The following HMCN2 variants were observed in gnomAD, a reference collection of about 807,000 sequenced individuals.
HMCN2 encodes the protein hemicentin-2.
Under a neutral mutation model 377.5 loss-of-function variants are expected in HMCN2, and 325 were observed. That is an observed-to-expected ratio of 0.86 (90% CI 0.79 to 0.94). The LOEUF (loss-of-function observed/expected upper bound fraction) is 0.94. HMCN2 is among the 40% of genes least tolerant of loss of function. The pLI is 0.00. For synonymous variants in HMCN2, 2,007 were observed against 2,046.8 expected (o/e 0.98, Z 0.53); for missense variants, 4,543 against 4,725.3 (o/e 0.96, Z 1.13).
intron 46 of HMCN2, 72 bp from the exon 47 acceptor site, chr9:130,372,222 C>A (rs60657291): frequency 2.3e-5 from 10 of 426,402 alleles, no homozygotes; most frequent in African/African-American, 1.7e-4. Context: ...TCCTGCTGGG[C>A]AGCAGGGGGC....
At chr9:130,316,636 A>G (rs1766498768) in intron 15 of HMCN2, among the ~76,000 whole-genome samples, 1 of 152,158 alleles carries the variant, frequency 6.6e-6, no homozygotes, top group African/African-American at 2.4e-5. Context: ...TGCTGACAAC[A>G]TCACCTGTCT....
In HMCN2 at chr9:130,296,664, C is replaced by T. The variant is rs1836173533; in HGVS notation, c.892-10C>T. ...ATCCTCTGGTGATGTGAGACCTGGG[C>T]CTGCGCTAGGTCTATAGCAGTGGCC... On this transcript the variant is annotated splice_polypyrimidine_tract_variant and intron_variant, in intron 6 of 97. Coordinates refer to ENST00000683500, the MANE Select transcript of HMCN2 (RefSeq NM_001291815.2). 2.1e-6 allele frequency: 1 copy of T among 470,844 alleles called. No individual in the cohort carries two copies. Among genetic ancestry groups the T allele is most frequent in the Non-Finnish European group, 4.4e-6 (1 of 227,000 alleles). The allele number at this position is 470,844 out of a possible 1,614,324, so 29.2% of individuals were successfully genotyped here.
chr9:130,350,388 C>CAAAAAAAAAAAA (rs1187309511), intron 29 of HMCN2, among the ~76,000 whole-genome samples: 5 of 89,684 alleles, frequency 5.6e-5, no homozygotes, highest in South Asian at 4.3e-4. Context: ...CAAAAAAATA[C>CAAAAAAAAAAAA]AAAAAAAAAA....
Position 130,396,078 on chromosome 9 carries a change from C to T in HMCN2, c.11053+13C>T, listed in dbSNP as rs552883657. 89 of 1,233,350 alleles carry T rather than the reference C, an allele frequency of 7.2e-5. No homozygotes were observed. The highest frequency in any genetic ancestry group is 4.3e-4 in the Admixed American group (18 of 42,148). 76.4% of individuals were successfully genotyped at this position (1,233,350 alleles called of 1,614,324 possible). A position where few individuals can be genotyped will look rare whatever the true frequency, so the allele number is the denominator to read the frequency against. On this transcript the variant is annotated intron_variant, in intron 72 of 97. Coordinates refer to ENST00000683500, the MANE Select transcript of HMCN2 (RefSeq NM_001291815.2). ...GTGGAGATCCACAGTGAGTAGGGCCCGCCCCACCCCACCCTGCCCACCTTA... is the reference window on the plus strand; with the variant it reads ...GTGGAGATCCACAGTGAGTAGGGCCTGCCCCACCCCACCCTGCCCACCTTA...
intron 79 of HMCN2, 33 bp from the exon 80 acceptor site, chr9:130,403,708 C>T (rs1300406890): frequency 7.8e-7 from 1 of 1,285,654 alleles, no homozygotes; most frequent in African/African-American, 1.5e-5. Flanking sequence ...AGTCCCAGTT[C>T]CCAGGCCCCC....
chr9:130,410,899 G>A (rs1009912814), intron 85 of HMCN2, among the ~76,000 whole-genome samples: 4 of 152,142 alleles, frequency 2.6e-5, no homozygotes, highest in South Asian at 2.1e-4. Flanking sequence ...CAGACCAGCC[G>A]TCAAGATCAC....
In HMCN2 at chr9:130,422,679, G is replaced by A. The variant is rs1464259389; in HGVS notation, c.13334G>A (p.Gly4445Glu). The A allele has an allele frequency of 3.1e-6, 4 of 1,305,320 alleles. No homozygotes were observed. In the African/African-American group the frequency reaches 6.2e-5, roughly 20 times the overall value. The allele number at this position is 1,305,320 out of a possible 1,614,324, so 80.9% of individuals were successfully genotyped here. Residue 4445 changes from glycine (G) to glutamate (E), a missense_variant, in exon 87 of 98, where the codon GGG (glycine) becomes GAG (glutamate). Physicochemically the swap from Gly to Glu is moderately conservative, Grantham distance 98. Around this residue, in one of 5 missense-constraint regions of HMCN2, gnomAD observed 1,155 missense variants for 1,157.7 expected, o/e 1.00. Transcript: ENST00000683500. The surrounding 1 kb of genome is among the most constrained non-coding windows in gnomAD (Gnocchi z 4.2). ...AGCGTGATGCAGGAGGCACACTCCG[G>A]GGTCAGCAGCATCCACAGCAGCATC... ...NTSVMQEAHS[G>E]VSSIHSSIRH...
chr9:130,342,225 G>T (rs1236512417), intron 24 of HMCN2, 125 bp from the exon 25 acceptor site: 1 of 152,132 alleles, frequency 6.6e-6, no homozygotes, highest in Non-Finnish European at 1.5e-5. Context: ...TTGCCAGGAG[G>T]CTAGGGGCTG....
At chr9:130,352,850 A>G in intron 30 of HMCN2, 77 bp from the exon 31 acceptor site, 1 of 1,154,080 alleles carries the variant, frequency 8.7e-7, no homozygotes, top group Non-Finnish European at 1.1e-6. Context: ...GCCCAAAGGC[A>G]TGAGTCTGCT....
intron 96 of HMCN2, among the ~76,000 whole-genome samples, chr9:130,432,157 C>T (rs1401513294): frequency 6.6e-6 from 1 of 152,220 alleles, no homozygotes; most frequent in Non-Finnish European, 1.5e-5. Context: ...GGGAAAGCCC[C>T]ATCTCTCCCA....
rs1041818713 is a variant in HMCN2, at chr9:130,347,445, C to T, written c.4024+85C>T. ...CCTGTCTTCCTCCCAGGACCGCATC[C>T]GGCCAGAGGCCCACAGTGAAGCCGG... On this transcript the variant is annotated intron_variant, in intron 26 of 97. Transcript: ENST00000683500. This position sits in a 1 kb window ranked among gnomAD's most constrained non-coding sequence, Gnocchi z 5.1. 5.6e-3 allele frequency: 859 copies of T among 152,402 alleles called. 4 individuals are homozygous for T. The highest frequency in any genetic ancestry group is 8.7e-3 in the Non-Finnish European group (595 of 68,124). 9.4% of individuals were successfully genotyped at this position (152,402 alleles called of 1,614,324 possible). A position where few individuals can be genotyped will look rare whatever the true frequency, so the allele number is the denominator to read the frequency against.
Position 130,423,011 on chromosome 9 carries a change from C to T in HMCN2, c.13381+285C>T, listed in dbSNP as rs923397024. On this transcript the variant is annotated intron_variant, in intron 87 of 97. Transcript: ENST00000683500. This position sits in a 1 kb window ranked among gnomAD's most constrained non-coding sequence, Gnocchi z 5.5. ...ACGGTCAGTGTTCTGGGGGTGCGGGCGCTCAGATTGTGGTTTCCCAAGCCA... is the reference window on the plus strand; with the variant it reads ...ACGGTCAGTGTTCTGGGGGTGCGGGTGCTCAGATTGTGGTTTCCCAAGCCA... 3.3e-5 allele frequency among the ~76,000 whole-genome samples: 5 copies of T among 152,172 alleles called. No individual in the cohort carries two copies. Among genetic ancestry groups the T allele is most frequent in the Admixed American group, 6.5e-5 (1 of 15,280 alleles).
In HMCN2 at chr9:130,319,618, A is replaced by G. The variant is rs1837742278; in HGVS notation, c.2474A>G (p.Gln825Arg). 6.6e-6 allele frequency: 1 copy of G among 152,118 alleles called. No homozygotes were observed. Among genetic ancestry groups the G allele is most frequent in the Admixed American group, 6.5e-5 (1 of 15,274 alleles). The allele number at this position is 152,118 out of a possible 1,614,324, so 9.4% of individuals were successfully genotyped here. A position where few individuals can be genotyped will look rare whatever the true frequency, so the allele number is the denominator to read the frequency against. ...PTVTWRRGDG[Q>R]PLGLRLGAGR... ...GTCACCTGGCGCCGCGGAGATGGCCAGCCTCTGGGACTCAGGCTGGGGGCC... is the reference window on the plus strand; with the variant it reads ...GTCACCTGGCGCCGCGGAGATGGCCGGCCTCTGGGACTCAGGCTGGGGGCC... Residue 825 changes from glutamine to arginine, a missense_variant, in exon 16 of 98, where the codon CAG becomes CGG. Gln to Arg is a conservative substitution (Grantham distance 43). Transcript: ENST00000683500.
At position 130,391,247 on chromosome 9, in the gene HMCN2, T is replaced by A. The variant is rs1261324039; in HGVS notation, c.9711T>A (p.His3237Gln). 1 of 987,646 alleles carries A rather than the reference T, an allele frequency of 1.0e-6. No homozygotes were observed. Among genetic ancestry groups the A allele is most frequent in the Non-Finnish European group, 1.2e-6 (1 of 830,088 alleles). 61.2% of individuals were successfully genotyped at this position (987,646 alleles called of 1,614,324 possible). A position where few individuals can be genotyped will look rare whatever the true frequency, so the allele number is the denominator to read the frequency against. The change falls in exon 64 of 98, where the codon CAT becomes CAA. Residue 3237 changes from histidine (H) to glutamine (Q), a missense_variant. By Grantham distance (24) the His-to-Gln change is conservative. Transcript: ENST00000683500. ...GCTCGGGCGTGGCGCGGGAGCACCA[T>A]GTCTTGGAAGGGCAGGAGGTGCGGC... ...IRSSGVAREH[H>Q]VLEGQEVRLD...
intron 80 of HMCN2, 79 bp from the exon 81 acceptor site, chr9:130,404,790 G>A: frequency 9.5e-7 from 1 of 1,051,458 alleles, no homozygotes. Context: ...GAAGGGCTGG[G>A]CCAAAGGCCA....
At chr9:130,333,321 A>C (rs1838526687) in intron 22 of HMCN2, among the ~76,000 whole-genome samples, 1 of 152,116 alleles carries the variant, frequency 6.6e-6, no homozygotes, top group Non-Finnish European at 1.5e-5. Flanking sequence ...CCCTGAGTGC[A>C]GCAAAGGTGT....
In HMCN2 at chr9:130,429,603, G is replaced by C; in HGVS notation, c.14244G>C (p.Gln4748His). ...LEGLDDCHYNQLCENTPGGHR... is the reference protein window; with the variant it reads ...LEGLDDCHYNHLCENTPGGHR... ...GGTTGGACGACTGTCACTACAACCA[G>C]CTCTGCGAGAACACCCCAGGCGGTC... Residue 4748 changes from glutamine (Q) to histidine (H), a missense_variant, in exon 94 of 98, where the codon CAG becomes CAC. By Grantham distance (24) the Gln-to-His change is conservative (BLOSUM62 0). This residue lies in a region of HMCN2 where 1,155 missense variants were observed against 1,157.7 expected (regional missense o/e 1.00). Coordinates refer to ENST00000683500, the MANE Select transcript of HMCN2 (RefSeq NM_001291815.2). The C allele has an allele frequency of 6.5e-7, 1 of 1,550,356 alleles. No individual in the cohort carries two copies. The highest frequency in any genetic ancestry group is 1.4e-5 in the African/African-American group (1 of 73,160).
chr9:130,427,381 C>A lies in HMCN2; in HGVS notation c.13942+6C>A, dbSNP rs376524687. 26 of 1,550,356 alleles carry A rather than the reference C, an allele frequency of 1.7e-5. No individual in the cohort carries two copies. In the Middle Eastern group the frequency reaches 5.0e-4, roughly 30 times the overall value. ...CCAGGGAGCGTTTTGTGTGGGTGAG[C>A]GCCCCCAACCCTGGCATGGATGTGG... On this transcript the variant is annotated splice_donor_region_variant and intron_variant, in intron 91 of 97. Transcript: ENST00000683500.
intron 1 of HMCN2, among the ~76,000 whole-genome samples, chr9:130,280,421 C>T (rs1356910852): frequency 6.6e-6 from 1 of 151,736 alleles, no homozygotes; most frequent in African/African-American, 2.4e-5. Flanking sequence ...ATCCTCCCGC[C>T]TCGGCCTCCC....
Sources: allele counts gnomAD v4.1 joint callset (sites outside exome capture counted in the v4.1 genomes callset), GRCh38; gene constraint gnomAD v4.1.1; regional missense constraint gnomAD v4.1.1; non-coding constraint Gnocchi (gnomAD v3.1); transcripts MANE v1.5; gene names NCBI Gene and HGNC (gene_info 2026-07-23, HGNC 2026-07-21).